TBC1D9: variants seen among roughly 807,000 people sequenced by gnomAD.
TBC1D9 encodes the protein TBC1 domain family member 9A.
A neutral mutation model predicts 132.0 loss-of-function variants in TBC1D9; 63 were observed. That is an observed-to-expected ratio of 0.48 (90% CI 0.39 to 0.59). TBC1D9 has a LOEUF of 0.59. TBC1D9 is among the 20% of genes least tolerant of loss of function. The pLI is 0.00. For missense variants in TBC1D9, 1,261 were observed against 1,592.7 expected, an observed-to-expected ratio of 0.79 and a Z score of 3.54; for synonymous variants, 610 against 609.9, an observed-to-expected ratio of 1.00 and a Z score of 0.00.
chr4:140,720,717 A>G (rs1738410462), intron 1 of TBC1D9, among the ~76,000 whole-genome samples: 1 of 152,214 alleles, frequency 6.6e-6, no homozygotes, highest in Admixed American at 6.5e-5. Context: ...TATTTCTGTT[A>G]GGGGAAAGGC....
intron 15 of TBC1D9, 27 bp from the exon 16 acceptor site, chr4:140,634,215 G>T (rs746645180): frequency 6.2e-7 from 1 of 1,604,504 alleles, no homozygotes; most frequent in Admixed American, 1.7e-5. Context: ...GATCACTGGG[G>T]ACCCTCTTTT....
intron 16 of TBC1D9, among the ~76,000 whole-genome samples, chr4:140,632,460 G>A (rs1224030802): frequency 1.3e-5 from 2 of 152,036 alleles, no homozygotes; most frequent in Non-Finnish European, 2.9e-5. Context: ...CCTAAAAAAT[G>A]CCCTTTTGTT....
chr4:140,744,517 T>G (rs973882663), intron 1 of TBC1D9, among the ~76,000 whole-genome samples: 1 of 152,172 alleles, frequency 6.6e-6, no homozygotes, highest in Non-Finnish European at 1.5e-5. Flanking sequence ...GTCTAGCACC[T>G]TTTAAAGGTC....
rs761301605 is a variant in TBC1D9, at chr4:140,678,923, C to G, written c.851+19G>C. On this transcript the variant is annotated intron_variant, in intron 5 of 20. Transcript: ENST00000442267. ...TCTCATTTCTAAAGTCTGGAAGATA[C>G]AAGGTCTCTATCACCCACCGTTTTA... 7 of 1,610,116 alleles carry G rather than the reference C, an allele frequency of 4.3e-6. No individual in the cohort carries two copies. In the South Asian group the frequency reaches 7.7e-5, roughly 18 times the overall value.
rs1368494936 is a variant in TBC1D9 at position 140,622,742 on chromosome 4, G to A, written c.3254C>T (p.Pro1085Leu). 1.2e-6 allele frequency: 2 copies of A among 1,607,574 alleles called. No individual in the cohort carries two copies. Among genetic ancestry groups the A allele is most frequent in the Non-Finnish European group, 1.7e-6 (2 of 1,179,774 alleles). ...GCCTGGGATGCCCTGGTGGCAGGAC[G>A]GCCCACTGCCTCCGCTCCCGCCCTC... ...AKEGGSGGSG[P>L]SCHQGIPGVL... Residue 1085 changes from proline to leucine, a missense_variant, in exon 21 of 21, where the codon CCG (proline) becomes CTG (leucine). This residue lies in a region of TBC1D9 where 618 missense variants were observed against 724.4 expected (regional missense o/e 0.85). Transcript: ENST00000442267.
At chr4:140,750,993 T>G (rs1390476487) in intron 1 of TBC1D9, among the ~76,000 whole-genome samples, 1 of 152,128 alleles carries the variant, frequency 6.6e-6, no homozygotes, top group Non-Finnish European at 1.5e-5. Flanking sequence ...TGCATCAATA[T>G]TTTCAACTTA....
At chr4:140,640,313 C>T (rs1736964326) in intron 13 of TBC1D9, among the ~76,000 whole-genome samples, 1 of 151,966 alleles carries the variant, frequency 6.6e-6, no homozygotes, top group South Asian at 2.1e-4. Context: ...GGGAGGGTAT[C>T]ACATGTTGTG....
intron 16 of TBC1D9, among the ~76,000 whole-genome samples, chr4:140,628,852 T>C (rs757676903): frequency 6.6e-6 from 1 of 152,222 alleles, no homozygotes; most frequent in Non-Finnish European, 1.5e-5. Context: ...GAAATCCTTT[T>C]TAATTGTTTT....
intron 1 of TBC1D9, among the ~76,000 whole-genome samples, chr4:140,744,718 T>C (rs1441926495): frequency 6.6e-6 from 1 of 151,814 alleles, no homozygotes; most frequent in Non-Finnish European, 1.5e-5. Context: ...ACCCCGTCCC[T>C]ACTAAAAATA....
chr4:140,650,996 T>C (rs1027479175), intron 13 of TBC1D9, among the ~76,000 whole-genome samples: 13 of 152,186 alleles, frequency 8.5e-5, no homozygotes, highest in African/African-American at 2.9e-4. Context: ...TTATAAAAAC[T>C]GATGGCCCTC....
At position 140,756,135 on chromosome 4, in the gene TBC1D9, G is replaced by T. The variant is rs1287571615; in HGVS notation, c.-90C>A. On this transcript the variant is annotated 5_prime_UTR_variant, in exon 1 of 21. Coordinates refer to ENST00000442267, the MANE Select transcript of TBC1D9 (RefSeq NM_015130.3). This position sits in a 1 kb window ranked among gnomAD's most constrained non-coding sequence, Gnocchi z 5.6. The stretch of plus-strand genomic sequence containing the variant: ...GACAGGCGCGCACTCCTGGGCACAC[G>T]CGCGCCCGCCCGCCCGTCCGCTAGG... The T allele has an allele frequency of 3.6e-6, 4 of 1,107,768 alleles. No homozygotes were observed. Among genetic ancestry groups the T allele is most frequent in the East Asian group, 3.1e-5 (1 of 31,940 alleles). The allele number at this position is 1,107,768 out of a possible 1,614,324, so 68.6% of individuals were successfully genotyped here.
intron 6 of TBC1D9, among the ~76,000 whole-genome samples, chr4:140,671,449 T>C (rs1300855999): frequency 1.3e-5 from 2 of 152,194 alleles, no homozygotes; most frequent in Non-Finnish European, 2.9e-5. Context: ...CCTCGCTGCT[T>C]CATCAGCCAT....
chr4:140,710,669 A>G (rs1028300293), intron 1 of TBC1D9, among the ~76,000 whole-genome samples: 1 of 152,056 alleles, frequency 6.6e-6, no homozygotes, highest in African/African-American at 2.4e-5. Context: ...CCATCTCTTA[A>G]AGTCACAAGC....
chr4:140,675,475 C>G (rs920651266), intron 6 of TBC1D9, among the ~76,000 whole-genome samples: 24 of 152,076 alleles, frequency 1.6e-4, no homozygotes, highest in African/African-American at 5.6e-4. Flanking sequence ...GGGCTGCTGG[C>G]CCCTGCACTG....
At chr4:140,672,669 A>G (rs1361294576) in intron 6 of TBC1D9, among the ~76,000 whole-genome samples, 1 of 152,232 alleles carries the variant, frequency 6.6e-6, no homozygotes, top group Non-Finnish European at 1.5e-5. Context: ...GACGGCTTAT[A>G]AAATGTTTCT....
At chr4:140,724,198 G>A (rs576104174) in intron 1 of TBC1D9, among the ~76,000 whole-genome samples, 13 of 152,268 alleles carry the variant, frequency 8.5e-5, no homozygotes, top group South Asian at 8.3e-4. Flanking sequence ...ACAGTGTCCC[G>A]GACCAGCTGG....
At position 140,652,831 on chromosome 4, in the gene TBC1D9, T is replaced by C. The variant is rs148623306; in HGVS notation, c.2337+4266A>G. The stretch of plus-strand genomic sequence containing the variant: ...CTAAGCTTTCATAAATGCCTATCCA[T>C]CTTCACAGATTGTGCCTTCTGTTTT... On this transcript the variant is annotated intron_variant, in intron 13 of 20. Transcript: ENST00000442267. 1.8e-3 allele frequency among the ~76,000 whole-genome samples: 272 copies of C among 152,344 alleles called. No individual in the cohort carries two copies. In the Middle Eastern group the frequency reaches 0.027, roughly 15 times the overall value.
At chr4:140,642,777 T>G in intron 13 of TBC1D9, 1 of 641,202 alleles carries the variant, frequency 1.6e-6, no homozygotes, top group Admixed American at 2.5e-5. Context: ...GGCAGAGATT[T>G]GCTGCTCAGC....
chr4:140,716,677 C>G (rs906390850), intron 1 of TBC1D9, among the ~76,000 whole-genome samples: 2 of 152,058 alleles, frequency 1.3e-5, no homozygotes, highest in African/African-American at 4.8e-5. Flanking sequence ...ATCACTGACT[C>G]CTTACATCCT....
Sources: allele counts gnomAD v4.1 joint callset (sites outside exome capture counted in the v4.1 genomes callset), GRCh38; gene constraint gnomAD v4.1.1; regional missense constraint gnomAD v4.1.1; non-coding constraint Gnocchi (gnomAD v3.1); transcripts MANE v1.5; gene names NCBI Gene and HGNC (gene_info 2026-07-23, HGNC 2026-07-21).